The following GPC5 variants were observed in gnomAD, a reference collection of about 807,000 sequenced individuals.
GPC5 encodes the protein glypican 5, also known as glypican-5.
A neutral mutation model predicts 53.9 loss-of-function variants in GPC5; 47 were observed. That is an observed-to-expected ratio of 0.87 (90% CI 0.69 to 1.11). GPC5 has a LOEUF of 1.11. Among genes scored for constraint, GPC5 ranks in the 50% most tolerant of loss-of-function variants. The probability of loss-of-function intolerance (pLI) is 0.00; values close to 1 mark genes in which losing one functional copy is unlikely to be tolerated. For missense variants in GPC5, 748 were observed against 713.1 expected, an observed-to-expected ratio of 1.05 and a Z score of -0.56; for synonymous variants, 286 against 263.3, an observed-to-expected ratio of 1.09 and a Z score of -0.84.
chr13:91,619,718 C>G (rs191524731), intron 2 of GPC5, among the ~76,000 whole-genome samples: 16 of 152,188 alleles, frequency 1.1e-4, no homozygotes, highest in Non-Finnish European at 2.4e-4. Context: ...GCTACTGATT[C>G]ATTTTTATAG....
chr13:92,375,089 G>A (rs2043683418), intron 7 of GPC5, among the ~76,000 whole-genome samples: 1 of 152,104 alleles, frequency 6.6e-6, no homozygotes, highest in Non-Finnish European at 1.5e-5. Flanking sequence ...CCCAAAGCAT[G>A]GGTATTTTAC....
At chr13:92,368,975 T>A (rs563288069) in intron 7 of GPC5, among the ~76,000 whole-genome samples, 12 of 152,302 alleles carry the variant, frequency 7.9e-5, no homozygotes, top group African/African-American at 2.4e-4. Flanking sequence ...TCTATTGCAT[T>A]TTCTCTCCAG....
intron 6 of GPC5, among the ~76,000 whole-genome samples, chr13:92,035,866 C>T (rs73623532): frequency 0.014 from 2,127 of 151,100 alleles, 62 homozygotes; most frequent in African/African-American, 0.049. Flanking sequence ...AGTTTTTAAT[C>T]TTACAGCATT....
intron 2 of GPC5, among the ~76,000 whole-genome samples, chr13:91,675,208 G>C (rs1219040827): frequency 2.0e-5 from 3 of 149,902 alleles, no homozygotes; most frequent in Non-Finnish European, 4.4e-5. Context: ...TGGTAGAAAA[G>C]ACAAAGCATC....
At chr13:92,642,810 G>A (rs143281326) in intron 7 of GPC5, among the ~76,000 whole-genome samples, 26 of 152,282 alleles carry the variant, frequency 1.7e-4, no homozygotes, top group African/African-American at 5.5e-4. Flanking sequence ...AAGAATAAAC[G>A]AAAAGAGAAG....
chr13:92,042,483 G>A (rs2040949433), intron 6 of GPC5, among the ~76,000 whole-genome samples: 2 of 151,802 alleles, frequency 1.3e-5, no homozygotes. Flanking sequence ...ATCCCTAAGA[G>A]GTAAAAACAA....
chr13:92,770,028 C>G (rs1419939067), intron 7 of GPC5, among the ~76,000 whole-genome samples: 2 of 152,172 alleles, frequency 1.3e-5, no homozygotes, highest in Non-Finnish European at 2.9e-5. Context: ...CCTTTCATTG[C>G]ATGTTCCCTG....
intron 7 of GPC5, among the ~76,000 whole-genome samples, chr13:92,312,136 G>A (rs955334263): frequency 2.0e-5 from 3 of 152,118 alleles, no homozygotes; most frequent in Non-Finnish European, 2.9e-5. Flanking sequence ...TTCTTAAGAG[G>A]TTACATGGGC....
At chr13:92,432,535 C>T (rs1252952705) in intron 7 of GPC5, among the ~76,000 whole-genome samples, 6 of 148,500 alleles carry the variant, frequency 4.0e-5, no homozygotes, top group Admixed American at 6.8e-5. Flanking sequence ...CCACCACGCC[C>T]GGCTATTTTT....
At chr13:92,179,623 C>T (rs1031849932) in intron 7 of GPC5, among the ~76,000 whole-genome samples, 12 of 152,200 alleles carry the variant, frequency 7.9e-5, no homozygotes, top group Admixed American at 4.6e-4. Flanking sequence ...TCATAATCTT[C>T]GTAGGCTACT....
intron 7 of GPC5, among the ~76,000 whole-genome samples, chr13:92,385,477 T>C (rs1185767366): frequency 4.4e-5 from 6 of 136,348 alleles, no homozygotes; most frequent in Non-Finnish European, 4.6e-5. Context: ...TATACATATA[T>C]ACATATATAC....
intron 5 of GPC5, among the ~76,000 whole-genome samples, chr13:91,845,267 C>A (rs2038835559): frequency 6.6e-6 from 1 of 151,824 alleles, no homozygotes; most frequent in African/African-American, 2.4e-5. Context: ...TGACACACAA[C>A]TGTTAGATTT....
chr13:91,462,108 G>C (rs1881970535), intron 2 of GPC5, among the ~76,000 whole-genome samples: 1 of 152,036 alleles, frequency 6.6e-6, no homozygotes, highest in Non-Finnish European at 1.5e-5. Context: ...TAAAATCTAA[G>C]GTTTAACTAA....
At chr13:91,892,892 T>C (rs1275336075) in intron 5 of GPC5, among the ~76,000 whole-genome samples, 1 of 151,984 alleles carries the variant, frequency 6.6e-6, no homozygotes, top group African/African-American at 2.4e-5. Flanking sequence ...TTTTTTATAT[T>C]TACCTGATTT....
chr13:91,847,687 C>A (rs1262478426), intron 5 of GPC5, among the ~76,000 whole-genome samples: 1 of 152,028 alleles, frequency 6.6e-6, no homozygotes, highest in Non-Finnish European at 1.5e-5. Context: ...GAAGAGACAC[C>A]AGATTATTTA....
chr13:92,237,320 A>C (rs1392009560), intron 7 of GPC5, among the ~76,000 whole-genome samples: 3 of 152,066 alleles, frequency 2.0e-5, no homozygotes, highest in African/African-American at 7.2e-5. Context: ...CCCAAGTTCA[A>C]GTGATCCTCT....
intron 7 of GPC5, among the ~76,000 whole-genome samples, chr13:92,799,125 C>A (rs1000035811): frequency 2.0e-5 from 3 of 151,410 alleles, no homozygotes; most frequent in Admixed American, 6.6e-5. Flanking sequence ...AGATTGCTAC[C>A]CCTCTCCTGT....
chr13:91,519,077 C>T (rs1335343272), intron 2 of GPC5, among the ~76,000 whole-genome samples: 1 of 152,088 alleles, frequency 6.6e-6, no homozygotes, highest in Non-Finnish European at 1.5e-5. Flanking sequence ...CGTGAATTAG[C>T]TAAAGTGGAA....
chr13:91,840,910 C>G (rs1024727558), intron 5 of GPC5, among the ~76,000 whole-genome samples: 13 of 151,978 alleles, frequency 8.6e-5, no homozygotes, highest in Non-Finnish European at 1.5e-5. Flanking sequence ...AAATGTGTCT[C>G]ATTTTTAATG....
Sources: allele counts gnomAD v4.1 joint callset (sites outside exome capture counted in the v4.1 genomes callset), GRCh38; gene constraint gnomAD v4.1.1; transcripts MANE v1.5; gene names NCBI Gene and HGNC (gene_info 2026-07-23, HGNC 2026-07-21).